PTPRK: variants seen among roughly 807,000 people sequenced by gnomAD.
The protein encoded by PTPRK is receptor-type tyrosine-protein phosphatase kappa.
A neutral mutation model predicts 178.0 loss-of-function variants in PTPRK; 75 were observed. The observed-to-expected ratio is 0.42, with a 90% CI of 0.35 to 0.51. PTPRK has a LOEUF of 0.51. Ranked by LOEUF, PTPRK falls within the 20% of genes least tolerant of loss-of-function variation. The pLI is 0.02. For missense variants in PTPRK, 1,441 were observed against 1,797.8 expected (o/e 0.80, Z 3.59); for synonymous variants, 637 against 620.6 (o/e 1.03, Z -0.39).
intron 13 of PTPRK, among the ~76,000 whole-genome samples, chr6:128,013,891 A>G (rs140559571): frequency 9.9e-5 from 15 of 151,602 alleles, no homozygotes; most frequent in African/African-American, 3.1e-4. Context: ...ATTGTAGCAC[A>G]CGGTATTTTC....
At chr6:128,398,216 T>C (rs1198796908) in intron 1 of PTPRK, among the ~76,000 whole-genome samples, 2 of 152,212 alleles carry the variant, frequency 1.3e-5, no homozygotes, top group Admixed American at 6.5e-5. Flanking sequence ...GATTGGCCAC[T>C]TGGTGTTCAC....
At chr6:128,490,357 A>G (rs1047589872) in intron 1 of PTPRK, among the ~76,000 whole-genome samples, 3 of 152,250 alleles carry the variant, frequency 2.0e-5, no homozygotes, top group Non-Finnish European at 2.9e-5. Flanking sequence ...ACTGCCAACC[A>G]TGACGAGAGT....
At chr6:128,462,526 G>A (rs1849192469) in intron 1 of PTPRK, among the ~76,000 whole-genome samples, 1 of 151,990 alleles carries the variant, frequency 6.6e-6, no homozygotes, top group African/African-American at 2.4e-5. Flanking sequence ...AGAGAGTGGA[G>A]GGACATCAGA....
intron 2 of PTPRK, among the ~76,000 whole-genome samples, chr6:128,364,284 T>G (rs1409862162): frequency 6.6e-6 from 1 of 152,074 alleles, no homozygotes; most frequent in Non-Finnish European, 1.5e-5. Flanking sequence ...ATTCTCAACT[T>G]TAAGTTTCAA....
At chr6:127,974,799 C>G (rs907974306) in intron 27 of PTPRK, among the ~76,000 whole-genome samples, 3 of 152,076 alleles carry the variant, frequency 2.0e-5, no homozygotes, top group East Asian at 1.9e-4. Flanking sequence ...AATAAAGATT[C>G]CTTAAGTACA....
intron 3 of PTPRK, among the ~76,000 whole-genome samples, chr6:128,272,937 T>A (rs1409627133): frequency 6.6e-6 from 1 of 152,182 alleles, no homozygotes; most frequent in Admixed American, 6.5e-5. Context: ...CTATTCACAA[T>A]AGCAAAGACT....
intron 7 of PTPRK, among the ~76,000 whole-genome samples, chr6:128,130,663 T>C (rs1485709199): frequency 1.3e-5 from 2 of 152,196 alleles, no homozygotes; most frequent in African/African-American, 2.4e-5. Context: ...AAATGTTTTA[T>C]TGTAACTCTC....
chr6:128,434,765 A>C (rs1845289386), intron 1 of PTPRK, among the ~76,000 whole-genome samples: 1 of 152,198 alleles, frequency 6.6e-6, no homozygotes, highest in African/African-American at 2.4e-5. Context: ...ACAGTGGCTT[A>C]TGCCAGCACT....
intron 3 of PTPRK, among the ~76,000 whole-genome samples, chr6:128,252,939 G>A (rs1816705957): frequency 6.6e-6 from 1 of 152,078 alleles, no homozygotes; most frequent in Admixed American, 6.6e-5. Flanking sequence ...CCTAATGTCT[G>A]ACACCCCTAT....
intron 7 of PTPRK, among the ~76,000 whole-genome samples, chr6:128,166,577 A>G (rs187698374): frequency 1.3e-5 from 2 of 151,872 alleles, no homozygotes; most frequent in Admixed American, 1.3e-4. Flanking sequence ...AATAATAAAT[A>G]CTGTAGTAAT....
chr6:128,159,150 A>AAACAAC (rs570725420), intron 7 of PTPRK, among the ~76,000 whole-genome samples: 3 of 151,826 alleles, frequency 2.0e-5, no homozygotes, highest in East Asian at 3.9e-4. Context: ...ATTCAGTATA[A>AAACAAC]AACAACAACA....
chr6:128,402,454 T>G (rs777956691), intron 1 of PTPRK, among the ~76,000 whole-genome samples: 19 of 152,164 alleles, frequency 1.2e-4, no homozygotes, highest in Admixed American at 9.8e-4. Flanking sequence ...GGTTTCACCA[T>G]GTGGGGCCAG....
intron 1 of PTPRK, among the ~76,000 whole-genome samples, chr6:128,477,962 C>A (rs530038040): frequency 5.9e-5 from 9 of 151,974 alleles, no homozygotes; most frequent in African/African-American, 2.2e-4. Flanking sequence ...AATGAAGAGG[C>A]CTAGGATAGG....
intron 11 of PTPRK, among the ~76,000 whole-genome samples, chr6:128,069,617 T>C (rs1782462754): frequency 6.6e-6 from 1 of 152,140 alleles, no homozygotes; most frequent in Non-Finnish European, 1.5e-5. Context: ...TCCAAACAAA[T>C]GTAACCTTAT....
intron 1 of PTPRK, among the ~76,000 whole-genome samples, chr6:128,499,329 A>C (rs1458055356): frequency 1.3e-5 from 2 of 152,256 alleles, no homozygotes; most frequent in East Asian, 3.8e-4. Flanking sequence ...AGTCAAACCC[A>C]GTAGTCAATT....
intron 5 of PTPRK, among the ~76,000 whole-genome samples, chr6:128,230,093 T>C (rs777202197): frequency 7.9e-5 from 12 of 152,220 alleles, no homozygotes; most frequent in Admixed American, 1.3e-4. Context: ...CCTCCTGTTA[T>C]TATACCAAAC....
chr6:128,493,102 G>T (rs1476879392), intron 1 of PTPRK, among the ~76,000 whole-genome samples: 1 of 152,172 alleles, frequency 6.6e-6, no homozygotes, highest in Non-Finnish European at 1.5e-5. Flanking sequence ...TATGTTAAAT[G>T]AATGAGTGAG....
At chr6:128,126,974 G>A (rs62427864) in intron 7 of PTPRK, among the ~76,000 whole-genome samples, 2 of 150,260 alleles carry the variant, frequency 1.3e-5, no homozygotes, top group East Asian at 3.9e-4. Context: ...TTTTTTTTTG[G>A]TGGATATTAG....
chr6:128,384,487 G>A (rs1838408031), intron 2 of PTPRK, among the ~76,000 whole-genome samples: 1 of 152,040 alleles, frequency 6.6e-6, no homozygotes, highest in Non-Finnish European at 1.5e-5. Flanking sequence ...GGCCATACTG[G>A]TGTTAGGCCA....
Sources: gnomAD v4.1 joint callset for allele counts (sites outside exome capture counted in the v4.1 genomes callset) on GRCh38, gnomAD v4.1.1 for gene constraint, MANE v1.5 for transcripts, NCBI Gene and HGNC (gene_info 2026-07-23, HGNC 2026-07-21) for gene names.